Variants in TENM3 observed in about 807,000 individuals in gnomAD.
The protein encoded by TENM3 is teneurin-3.
Under a neutral mutation model 255.1 loss-of-function variants are expected in TENM3, and 63 were observed. That is an observed-to-expected ratio of 0.25 (90% confidence interval 0.20 to 0.30). The LOEUF (loss-of-function observed/expected upper bound fraction) is 0.30, where lower values mean the gene tolerates loss of function less well. Ranked by LOEUF, TENM3 falls within the 10% of genes least tolerant of loss-of-function variation. The pLI is 1.00. For synonymous variants in TENM3, 1,306 were observed against 1,322.3 expected (o/e 0.99, Z 0.27); for missense variants, 2,929 against 3,461.1 (o/e 0.85, Z 3.86).
At chr4:182,020,054 T>C in the TENM3 span, among the ~76,000 whole-genome samples, 6 of 152,034 alleles carry the variant, frequency 3.9e-5, no homozygotes, top group Admixed American at 6.6e-5. Flanking sequence ...AGCTTTAACG[T>C]ATTTGGCTGT....
the TENM3 span, among the ~76,000 whole-genome samples, chr4:181,968,492 T>A: frequency 6.6e-6 from 1 of 152,146 alleles, no homozygotes; most frequent in East Asian, 1.9e-4. Flanking sequence ...AAAGAAAGAA[T>A]CTAGCTCTTT....
chr4:181,489,872 A>C, the TENM3 span, among the ~76,000 whole-genome samples: 1 of 152,360 alleles, frequency 6.6e-6, no homozygotes, highest in East Asian at 1.9e-4. Flanking sequence ...TTTTTAATTT[A>C]GTAATGACAT....
At chr4:182,488,752 G>C (rs1006537241) in intron 3 of TENM3, among the ~76,000 whole-genome samples, 1 of 152,092 alleles carries the variant, frequency 6.6e-6, no homozygotes, top group Admixed American at 6.6e-5. Context: ...TTAGTTGAGG[G>C]ATCTAGAATG....
At chr4:181,551,807 AATAT>A in the TENM3 span, among the ~76,000 whole-genome samples, 15,929 of 140,768 alleles carry the variant, frequency 0.11, 991 homozygotes, top group African/African-American at 0.17. Flanking sequence ...GGCAGTTAAT[AATAT>A]ATATATATAT....
chr4:182,381,813 G>A (rs999536432), intron 3 of TENM3, among the ~76,000 whole-genome samples: 2 of 152,210 alleles, frequency 1.3e-5, no homozygotes, highest in African/African-American at 2.4e-5. Context: ...TGCCCGCATC[G>A]GCCTCCCAAA....
intron 4 of TENM3, among the ~76,000 whole-genome samples, chr4:182,604,937 A>G (rs1432033987): frequency 2.0e-5 from 3 of 152,208 alleles, no homozygotes; most frequent in African/African-American, 4.8e-5. Context: ...TGTGAGATCA[A>G]TTGTTAACGT....
At chr4:182,600,070 T>TTGTC (rs1747678205) in intron 3 of TENM3, among the ~76,000 whole-genome samples, 1 of 152,246 alleles carries the variant, frequency 6.6e-6, no homozygotes, top group Non-Finnish European at 1.5e-5. Flanking sequence ...CAAAACACAG[T>TTGTC]ATTTATGTTT....
chr4:182,203,819 A>T (rs28610223), intron 1 of TENM3, among the ~76,000 whole-genome samples: 3,674 of 152,234 alleles, frequency 0.024, 146 homozygotes, highest in African/African-American at 0.083. Context: ...GAATATCACC[A>T]TTGCCTGGGC....
At chr4:181,803,199 C>T in the TENM3 span, among the ~76,000 whole-genome samples, 1 of 152,182 alleles carries the variant, frequency 6.6e-6, no homozygotes, top group Non-Finnish European at 1.5e-5. Context: ...TGTCTACAGC[C>T]ACAATCTCCA....
chr4:182,711,677 T>C, intron 12 of TENM3: 1 of 587,844 alleles, frequency 1.7e-6, no homozygotes, highest in Non-Finnish European at 2.1e-6. Context: ...GGTTTGACAA[T>C]AGACTTTTCC....
chr4:181,700,896 G>A, the TENM3 span, among the ~76,000 whole-genome samples: 4 of 152,108 alleles, frequency 2.6e-5, no homozygotes, highest in African/African-American at 4.8e-5. Context: ...GATGAACTTC[G>A]ATTTCAATTT....
chr4:182,777,808 T>C, intron 24 of TENM3, among the ~76,000 whole-genome samples: 1 of 149,930 alleles, frequency 6.7e-6, no homozygotes, highest in African/African-American at 2.4e-5. Flanking sequence ...TCTGCCCGCC[T>C]CGGCCTCCCA....
the TENM3 span, among the ~76,000 whole-genome samples, chr4:181,732,286 A>C: frequency 2.0e-5 from 3 of 152,154 alleles, no homozygotes; most frequent in Admixed American, 2.0e-4. Context: ...AGAACTCAGA[A>C]ATGACTCCAG....
chr4:181,784,836 T>A, the TENM3 span, among the ~76,000 whole-genome samples: 1 of 152,150 alleles, frequency 6.6e-6, no homozygotes, highest in African/African-American at 2.4e-5. Flanking sequence ...GAACACTTAC[T>A]GTTGAGTGTA....
chr4:182,067,250 T>C, the TENM3 span, among the ~76,000 whole-genome samples: 2 of 152,092 alleles, frequency 1.3e-5, no homozygotes, highest in African/African-American at 4.8e-5. Context: ...GAAATACAAC[T>C]GCAGAAACTA....
chr4:182,456,799 C>T (rs951199598), intron 3 of TENM3, among the ~76,000 whole-genome samples: 1 of 152,066 alleles, frequency 6.6e-6, no homozygotes, highest in Non-Finnish European at 1.5e-5. Flanking sequence ...GTTTTGCCGT[C>T]GAGAGATTTA....
the TENM3 span, among the ~76,000 whole-genome samples, chr4:181,758,155 C>T: frequency 1.3e-5 from 2 of 152,104 alleles, no homozygotes; most frequent in East Asian, 1.9e-4. Flanking sequence ...CAGAATGTGA[C>T]GATGGATGGA....
chr4:182,252,046 G>A (rs1281371084), intron 1 of TENM3, among the ~76,000 whole-genome samples: 1 of 152,052 alleles, frequency 6.6e-6, no homozygotes, highest in Non-Finnish European at 1.5e-5. Flanking sequence ...TGCTGGGTGT[G>A]GTGGTACATG....
chr4:182,736,946 C>A lies in TENM3; in HGVS notation c.3106C>A (p.Leu1036Ile). Residue 1036 changes from leucine to isoleucine, a missense_variant, in exon 17 of 28, where the codon CTT (leucine) becomes ATT (isoleucine). Leu to Ile is a conservative substitution (Grantham distance 5). Around this residue, in one of 6 missense-constraint regions of TENM3, gnomAD observed 1,608 missense variants for 1,884.4 expected, o/e 0.85. Transcript: ENST00000511685. ...IIPFNLMKVH[L>I]MVAVVGRLFQ... is the part of the protein sequence containing the mutation. ...TCCATTTAATTTAATGAAGGTTCAT[C>A]TTATGGTAGCTGTAGTAGGAAGACT... The A allele has an allele frequency of 6.2e-7, 1 of 1,613,896 alleles. No homozygotes were observed. Among genetic ancestry groups the A allele is most frequent in the Non-Finnish European group, 8.5e-7 (1 of 1,179,850 alleles).
Sources: allele counts gnomAD v4.1 joint callset (sites outside exome capture counted in the v4.1 genomes callset), GRCh38; gene constraint gnomAD v4.1.1; regional missense constraint gnomAD v4.1.1; transcripts MANE v1.5; gene names NCBI Gene and HGNC (gene_info 2026-07-23, HGNC 2026-07-21).